LRMDA: variants seen among roughly 807,000 people sequenced by gnomAD.
The protein encoded by LRMDA is leucine-rich melanocyte differentiation-associated protein.
In LRMDA, 18 loss-of-function variants were observed where a neutral mutation model predicts 29.8. That is an observed-to-expected ratio of 0.60 (90% confidence interval 0.42 to 0.90). LRMDA has a LOEUF of 0.90. Ranked by LOEUF, LRMDA falls within the 40% of genes least tolerant of loss-of-function variation. The pLI is 0.00. For synonymous variants in LRMDA, 125 were observed against 109.4 expected (o/e 1.14, Z -0.89); for missense variants, 273 against 273.9 (o/e 1.00, Z 0.02).
At chr10:76,354,820 G>T (rs981971901) in intron 6 of LRMDA, among the ~76,000 whole-genome samples, 23 of 152,056 alleles carry the variant, frequency 1.5e-4, no homozygotes, top group African/African-American at 5.6e-4. Context: ...TGCGTGTTAG[G>T]AACATTTCAA....
chr10:75,565,025 C>G (rs551313759), intron 2 of LRMDA, among the ~76,000 whole-genome samples: 114 of 152,334 alleles, frequency 7.5e-4, no homozygotes, highest in African/African-American at 2.6e-3. Context: ...CTCTCTCTGG[C>G]AACCTCTCTC....
chr10:76,276,053 CTCTT>C (rs748258156), intron 5 of LRMDA, among the ~76,000 whole-genome samples: 195 of 140,018 alleles, frequency 1.4e-3, no homozygotes, highest in African/African-American at 4.9e-3. Flanking sequence ...ATCTATCTAT[CTCTT>C]TCTTTCTCTC....
intron 5 of LRMDA, among the ~76,000 whole-genome samples, chr10:76,282,672 A>G (rs1448039205): frequency 6.6e-6 from 1 of 152,192 alleles, no homozygotes; most frequent in Middle Eastern, 3.2e-3. Context: ...GACTGCAATT[A>G]CAGTTTAAGA....
chr10:76,079,165 A>C (rs1208698287), intron 5 of LRMDA, among the ~76,000 whole-genome samples: 1 of 152,204 alleles, frequency 6.6e-6, no homozygotes, highest in East Asian at 1.9e-4. Flanking sequence ...TGCCTGATGA[A>C]GTCTACAAAT....
intron 2 of LRMDA, among the ~76,000 whole-genome samples, chr10:75,894,881 G>A (rs1845557469): frequency 1.3e-5 from 2 of 152,188 alleles, no homozygotes. Context: ...TAGTCTAAGT[G>A]TTTTGTACTT....
intron 2 of LRMDA, among the ~76,000 whole-genome samples, chr10:75,860,008 A>ATATGTTTTTAG (rs1309043718): frequency 6.6e-6 from 1 of 152,216 alleles, no homozygotes; most frequent in African/African-American, 2.4e-5. Flanking sequence ...CATTTTGCTA[A>ATATGTTTTTAG]GTATTTTGAA....
intron 6 of LRMDA, among the ~76,000 whole-genome samples, chr10:76,339,808 A>T (rs1009814099): frequency 1.7e-4 from 26 of 152,162 alleles, no homozygotes; most frequent in Non-Finnish European, 1.9e-4. Context: ...AAGAAGAAAT[A>T]TAAGTCTAAA....
intron 6 of LRMDA, among the ~76,000 whole-genome samples, chr10:76,468,098 G>A (rs1321208043): frequency 2.0e-5 from 3 of 151,868 alleles, no homozygotes; most frequent in Non-Finnish European, 4.4e-5. Context: ...AGGTCACAAG[G>A]GAAGTGTAGC....
chr10:76,347,371 C>T (rs954316720), intron 6 of LRMDA, among the ~76,000 whole-genome samples: 4 of 152,264 alleles, frequency 2.6e-5, no homozygotes, highest in Middle Eastern at 3.4e-3. Context: ...AGGTATACTA[C>T]GCCAATAGCT....
In LRMDA at chr10:75,483,456, T is replaced by C. The variant is rs148060408; in HGVS notation, c.131+44962T>C. Among the ~76,000 whole-genome samples the C allele has an allele frequency of 1.4e-3, 216 of 152,316 alleles. 1 individual carries two copies. The highest frequency in any genetic ancestry group is 4.8e-3 in the African/African-American group (199 of 41,572). On this transcript the variant is annotated intron_variant, in intron 2 of 6. Coordinates refer to ENST00000611255, the MANE Select transcript of LRMDA (RefSeq NM_001305581.2). ...TTGAGAGGGAAAAGATATCTTGTTA[T>C]AGGGAAGTAATATAGGGCTTGGAGT...
At chr10:76,253,595 T>A (rs1383288127) in intron 5 of LRMDA, among the ~76,000 whole-genome samples, 1 of 152,030 alleles carries the variant, frequency 6.6e-6, no homozygotes, top group Non-Finnish European at 1.5e-5. Context: ...TCTTAAAAGT[T>A]GCTACTATCT....
intron 6 of LRMDA, among the ~76,000 whole-genome samples, chr10:76,506,629 C>G (rs1218002130): frequency 6.6e-6 from 1 of 152,072 alleles, no homozygotes; most frequent in Non-Finnish European, 1.5e-5. Context: ...CCTCTCTCCC[C>G]TCTACTTTTC....
intron 6 of LRMDA, among the ~76,000 whole-genome samples, chr10:76,417,185 T>C (rs1216849994): frequency 2.0e-5 from 3 of 152,224 alleles, no homozygotes; most frequent in South Asian, 2.1e-4. Flanking sequence ...CCTGTTGATA[T>C]ATATTTTTAA....
rs192024969 is a variant in LRMDA at position 75,907,559 on chromosome 10, C to T, written c.132-128449C>T. ...TTCTCTGTGACAAACAAGGGTTTCT[C>T]ATTACAAACCCATTTATGAAGGTTA... On this transcript the variant is annotated intron_variant, in intron 2 of 6. Coordinates refer to ENST00000611255, the MANE Select transcript of LRMDA (RefSeq NM_001305581.2). Among the ~76,000 whole-genome samples the T allele has an allele frequency of 1.8e-3, 277 of 152,286 alleles. 2 individuals carry two copies. Among genetic ancestry groups the T allele is most frequent in the Middle Eastern group, 6.8e-3 (2 of 294 alleles).
At chr10:75,801,891 G>C (rs1249573745) in intron 2 of LRMDA, among the ~76,000 whole-genome samples, 1 of 152,174 alleles carries the variant, frequency 6.6e-6, no homozygotes, top group Non-Finnish European at 1.5e-5. Flanking sequence ...ATTGATCTGG[G>C]TCAAACAAAA....
At chr10:76,464,566 C>T (rs1299112136) in intron 6 of LRMDA, among the ~76,000 whole-genome samples, 1 of 152,186 alleles carries the variant, frequency 6.6e-6, no homozygotes, top group Non-Finnish European at 1.5e-5. Context: ...GTTATCTTTC[C>T]AGCTGTTACT....
intron 6 of LRMDA, among the ~76,000 whole-genome samples, chr10:76,392,140 T>A (rs1339318305): frequency 6.6e-6 from 1 of 152,106 alleles, no homozygotes; most frequent in African/African-American, 2.4e-5. Flanking sequence ...TACAGCTAAT[T>A]CTATTTTCTG....
intron 2 of LRMDA, among the ~76,000 whole-genome samples, chr10:75,681,599 C>T (rs905359030): frequency 6.6e-6 from 1 of 152,176 alleles, no homozygotes; most frequent in African/African-American, 2.4e-5. Context: ...GCATGCTCTT[C>T]TCATGGTGGA....
At chr10:76,517,184 A>G (rs951222441) in intron 6 of LRMDA, among the ~76,000 whole-genome samples, 25 of 152,154 alleles carry the variant, frequency 1.6e-4, no homozygotes, top group Non-Finnish European at 1.2e-4. Flanking sequence ...GGAGAGCCAT[A>G]CTTGAACAGG....
Sources: gnomAD v4.1 joint callset for allele counts (sites outside exome capture counted in the v4.1 genomes callset) on GRCh38, gnomAD v4.1.1 for gene constraint, MANE v1.5 for transcripts, NCBI Gene and HGNC (gene_info 2026-07-23, HGNC 2026-07-21) for gene names.